Variants in SORBS2 observed in about 807,000 individuals in gnomAD.
SORBS2 encodes the protein sorbin and SH3 domain containing 2, also known as sorbin and SH3 domain-containing protein 2.
SORBS2 carries 46 observed loss-of-function variants against 97.7 expected under a neutral mutation model. The ratio of observed to expected loss-of-function variants is 0.47; its 90% CI spans 0.37 to 0.60. SORBS2 has a LOEUF of 0.60. Among genes scored for constraint, SORBS2 ranks in the 20% least tolerant of loss-of-function variants. The pLI, the probability that SORBS2 is intolerant of heterozygous loss-of-function variation, is 0.00. For missense variants in SORBS2, 1,316 were observed against 1,282.3 expected (o/e 1.03, Z -0.40); for synonymous variants, 476 against 473.4 (o/e 1.01, Z -0.07).
At chr4:185,841,002 A>G (rs990948814) in intron 1 of SORBS2, among the ~76,000 whole-genome samples, 1 of 152,226 alleles carries the variant, frequency 6.6e-6, no homozygotes, top group Non-Finnish European at 1.5e-5. Flanking sequence ...CATGTCTTAA[A>G]AAATAAGCAA....
In SORBS2 at chr4:185,899,487, G is replaced by A. The variant is rs187437903; in HGVS notation, c.-338+56709C>T. ...CACTCTTTCACCCAGGGTGGAATGC[G>A]GTGGCGTGATCATGGATCCCTGCAG... is the stretch of plus-strand genomic sequence containing the variant. On this transcript the variant is annotated intron_variant, in intron 1 of 20. Transcript: ENST00000284776. 9.9e-5 allele frequency among the ~76,000 whole-genome samples: 15 copies of A among 152,020 alleles called. No individual in the cohort carries two copies. In the East Asian group the frequency reaches 1.9e-3, roughly 20 times the overall value.
chr4:185,651,785 T>G, intron 2 of SORBS2: 1 of 1,502,360 alleles, frequency 6.7e-7, no homozygotes, highest in East Asian at 2.3e-5. Flanking sequence ...CCATCCTACC[T>G]GCATTGTATG....
chr4:185,752,862 A>C (rs1174474453), intron 2 of SORBS2, among the ~76,000 whole-genome samples: 1 of 152,244 alleles, frequency 6.6e-6, no homozygotes, highest in Non-Finnish European at 1.5e-5. Context: ...AAGAATCTGT[A>C]TCCCTTTTGA....
chr4:185,720,352 G>C (rs982492883), intron 2 of SORBS2, among the ~76,000 whole-genome samples: 3 of 151,862 alleles, frequency 2.0e-5, no homozygotes, highest in Admixed American at 6.6e-5. Flanking sequence ...TTATATTTAT[G>C]TATAATCATA....
At chr4:185,662,235 A>T (rs374164213) in exon 5 of SORBS2, 2 of 1,607,570 alleles carry the variant, frequency 1.2e-6, no homozygotes, top group Non-Finnish European at 1.7e-6. Context: ...ATTCACTGTT[A>T]TCTGGCTCTG....
chr4:185,753,413 G>A (rs535516534), intron 2 of SORBS2, among the ~76,000 whole-genome samples: 1 of 152,142 alleles, frequency 6.6e-6, no homozygotes, highest in African/African-American at 2.4e-5. Context: ...TAACTTCCTT[G>A]TTTAACTTAT....
chr4:185,839,548 G>C (rs1164099405), intron 1 of SORBS2, among the ~76,000 whole-genome samples: 1 of 152,118 alleles, frequency 6.6e-6, no homozygotes, highest in East Asian at 1.9e-4. Flanking sequence ...CACACTGAGC[G>C]CTCCCTAGGG....
Position 185,684,864 on chromosome 4 carries a change from A to G in SORBS2, c.-197-6042T>C. The stretch of plus-strand genomic sequence containing the variant: ...ACCGCTATCTGGAAGCAAAAAAATG[A>G]TATAGCAGAGGCCAAGGCAACGGGA... On this transcript the variant is annotated intron_variant, in intron 2 of 20. Coordinates refer to the SORBS2 transcript ENST00000284776. The surrounding 1 kb of genome is among the most constrained non-coding windows in gnomAD (Gnocchi z 4.2). 12 of 1,547,870 alleles carry G rather than the reference A, an allele frequency of 7.8e-6. No individual in the cohort carries two copies. Among genetic ancestry groups the G allele is most frequent in the Non-Finnish European group, 1.0e-5 (12 of 1,143,514 alleles).
At chr4:185,883,396 A>T (rs1473332243) in intron 1 of SORBS2, among the ~76,000 whole-genome samples, 1 of 152,222 alleles carries the variant, frequency 6.6e-6, no homozygotes, top group Non-Finnish European at 1.5e-5. Flanking sequence ...GGTGGGGATG[A>T]GGTGAAACTA....
At chr4:185,664,575 C>T (rs984182167) in intron 4 of SORBS2, among the ~76,000 whole-genome samples, 3 of 152,124 alleles carry the variant, frequency 2.0e-5, no homozygotes, top group Admixed American at 2.0e-4. Context: ...GGGAGGGACT[C>T]GCTATGGGGT....
exon 1 of SORBS2, chr4:185,656,876 G>T (rs527857493): frequency 2.8e-5 from 36 of 1,281,552 alleles, no homozygotes; most frequent in Middle Eastern, 3.0e-4. Context: ...GCTGAAGAGG[G>T]ACATTAAAAT....
In SORBS2 at chr4:185,906,475, T is replaced by C. The variant is rs116760186; in HGVS notation, c.-338+49721A>G. 9.2e-3 allele frequency among the ~76,000 whole-genome samples: 1,395 copies of C among 152,398 alleles called. 9 individuals are homozygous for C. Among genetic ancestry groups the C allele is most frequent in the Non-Finnish European group, 0.014 (980 of 68,040 alleles). On this transcript the variant is annotated intron_variant, in intron 1 of 20. Transcript: ENST00000284776. ...CAGACATTAGGAAGTTAATTAGAGA[T>C]ACTTAAGATATTTGGGTCAAAACCA...
At chr4:185,945,411 A>G (rs528902056) in intron 1 of SORBS2, among the ~76,000 whole-genome samples, 1 of 152,360 alleles carries the variant, frequency 6.6e-6, no homozygotes, top group Non-Finnish European at 1.5e-5. Context: ...TTTTTGACTG[A>G]GGTTAGGTCA....
At chr4:185,890,744 C>A (rs765589765) in intron 1 of SORBS2, among the ~76,000 whole-genome samples, 1 of 152,168 alleles carries the variant, frequency 6.6e-6, no homozygotes, top group Non-Finnish European at 1.5e-5. Context: ...CATGGGGACA[C>A]CCTCCTTTCA....
At chr4:185,753,711 T>C (rs2098814228) in intron 2 of SORBS2, among the ~76,000 whole-genome samples, 1 of 152,200 alleles carries the variant, frequency 6.6e-6, no homozygotes, top group South Asian at 2.1e-4. Flanking sequence ...TTAAATGCTT[T>C]TAAATGGAAT....
intron 1 of SORBS2, among the ~76,000 whole-genome samples, chr4:185,838,475 AG>A (rs1351565066): frequency 6.6e-6 from 1 of 152,026 alleles, no homozygotes; most frequent in African/African-American, 2.4e-5. Context: ...CCTGGAGGAG[AG>A]GGGGAATTGA....
intron 1 of SORBS2, among the ~76,000 whole-genome samples, chr4:185,836,344 T>C (rs1370226414): frequency 6.6e-6 from 1 of 152,212 alleles, no homozygotes; most frequent in Non-Finnish European, 1.5e-5. Context: ...GCAGCTACTC[T>C]GCCATTGCTC....
intron 4 of SORBS2, chr4:185,675,333 C>G (rs1416945094): frequency 1.3e-5 from 2 of 152,530 alleles, no homozygotes; most frequent in African/African-American, 4.8e-5. Context: ...CTCACTGACA[C>G]TGGCACGGGC....
At chr4:185,869,430 TCA>T (rs1017848673) in intron 1 of SORBS2, among the ~76,000 whole-genome samples, 2 of 152,206 alleles carry the variant, frequency 1.3e-5, no homozygotes, top group Non-Finnish European at 2.9e-5. Context: ...GACCCCTGTC[TCA>T]GTCTCCTTCT....
Sources: gnomAD v4.1 joint callset for allele counts (sites outside exome capture counted in the v4.1 genomes callset) on GRCh38, gnomAD v4.1.1 for gene constraint, Gnocchi (gnomAD v3.1) non-coding constraint, MANE v1.5 for transcripts, NCBI Gene and HGNC (gene_info 2026-07-23, HGNC 2026-07-21) for gene names.